Variants in DIAPH3 observed in about 807,000 individuals in gnomAD.
The protein encoded by DIAPH3 is diaphanous related formin 3.
Under a neutral mutation model 144.3 loss-of-function variants are expected in DIAPH3, and 117 were observed. The observed-to-expected ratio is 0.81, with a 90% CI of 0.70 to 0.95. The LOEUF is 0.95. Ranked by LOEUF, DIAPH3 falls within the 40% of genes least tolerant of loss-of-function variation. DIAPH3 has a pLI of 0.00. For synonymous variants in DIAPH3, 519 were observed against 488.9 expected, an observed-to-expected ratio of 1.06 and a Z score of -0.81; for missense variants, 1,421 against 1,412.7, an observed-to-expected ratio of 1.01 and a Z score of -0.09.
chr13:59,998,784 C>A (rs1306919483), intron 9 of DIAPH3, among the ~76,000 whole-genome samples: 1 of 152,050 alleles, frequency 6.6e-6, no homozygotes, highest in African/African-American at 2.4e-5. Flanking sequence ...CAACCCTATT[C>A]ATGCAAACCT....
At chr13:59,916,873 GTATAA>G (rs2047247381) in intron 18 of DIAPH3, among the ~76,000 whole-genome samples, 1 of 152,058 alleles carries the variant, frequency 6.6e-6, no homozygotes, top group Non-Finnish European at 1.5e-5. Context: ...GTACTAGATA[GTATAA>G]TATGTTATTA....
chr13:60,119,915 G>T (rs1223541897), intron 2 of DIAPH3, among the ~76,000 whole-genome samples: 2 of 152,066 alleles, frequency 1.3e-5, no homozygotes, highest in African/African-American at 2.4e-5. Context: ...AATACTTGTT[G>T]AAGGTATGAA....
At chr13:60,104,520 T>A (rs1648612436) in intron 3 of DIAPH3, among the ~76,000 whole-genome samples, 1 of 151,320 alleles carries the variant, frequency 6.6e-6, no homozygotes, top group Non-Finnish European at 1.5e-5. Flanking sequence ...GTGTAAACTA[T>A]CTTAATTGAA....
intron 27 of DIAPH3, among the ~76,000 whole-genome samples, chr13:59,713,094 A>G (rs2034834307): frequency 1.3e-5 from 2 of 152,182 alleles, no homozygotes. Context: ...TGTGCCACCC[A>G]GTTCCTAACA....
chr13:59,923,566 CT>C (rs1317794363), intron 18 of DIAPH3, among the ~76,000 whole-genome samples: 2 of 152,294 alleles, frequency 1.3e-5, no homozygotes, highest in East Asian at 3.9e-4. Context: ...ATGGACACCA[CT>C]CTGAATGCCA....
intron 25 of DIAPH3, among the ~76,000 whole-genome samples, chr13:59,784,000 G>A (rs961165080): frequency 6.6e-6 from 1 of 152,146 alleles, no homozygotes; most frequent in Admixed American, 6.5e-5. Flanking sequence ...TGTTTACTTT[G>A]TGTGTGCTTT....
chr13:60,038,519 T>C (rs1046894419), intron 5 of DIAPH3, among the ~76,000 whole-genome samples: 1 of 152,170 alleles, frequency 6.6e-6, no homozygotes, highest in Non-Finnish European at 1.5e-5. Context: ...AAACGACACT[T>C]ATTAAATGGA....
intron 1 of DIAPH3, among the ~76,000 whole-genome samples, chr13:60,159,655 G>A (rs748614354): frequency 8.6e-5 from 13 of 151,634 alleles, no homozygotes; most frequent in Non-Finnish European, 1.6e-4. Context: ...AAGAAAGAAT[G>A]TATACTCTGA....
chr13:59,700,517 T>C (rs773075031), intron 27 of DIAPH3, among the ~76,000 whole-genome samples: 1 of 152,216 alleles, frequency 6.6e-6, no homozygotes, highest in Non-Finnish European at 1.5e-5. Flanking sequence ...CATATCTTTC[T>C]GAAATTAGGT....
intron 22 of DIAPH3, among the ~76,000 whole-genome samples, chr13:59,840,235 T>A (rs2042264694): frequency 6.6e-6 from 1 of 151,984 alleles, no homozygotes; most frequent in Admixed American, 6.6e-5. Flanking sequence ...TAGGTACAAA[T>A]GAATTCTAGG....
intron 8 of DIAPH3, 117 bp from the exon 9 acceptor site, chr13:60,008,766 G>A: frequency 4.1e-6 from 3 of 735,324 alleles, no homozygotes; most frequent in Non-Finnish European, 7.4e-6. Flanking sequence ...TTTAGAAGTA[G>A]ATTACTGAGT....
chr13:60,009,879 T>C (rs2053129533), intron 8 of DIAPH3, among the ~76,000 whole-genome samples: 1 of 152,242 alleles, frequency 6.6e-6, no homozygotes, highest in Non-Finnish European at 1.5e-5. Flanking sequence ...TACATTTTTA[T>C]CTTTTTTAAA....
At chr13:59,846,855 C>A (rs1296168857) in intron 22 of DIAPH3, among the ~76,000 whole-genome samples, 1 of 152,156 alleles carries the variant, frequency 6.6e-6, no homozygotes, top group Non-Finnish European at 1.5e-5. Flanking sequence ...GTGAGAGGAT[C>A]ACTTGAGGCC....
chr13:59,673,301 C>G (rs780542155), intron 27 of DIAPH3, among the ~76,000 whole-genome samples: 51 of 152,158 alleles, frequency 3.4e-4, no homozygotes, highest in Non-Finnish European at 2.8e-4. Context: ...TCATCCATAC[C>G]TCTCTATTGA....
chr13:60,051,401 T>C (rs1320302981), intron 4 of DIAPH3, among the ~76,000 whole-genome samples: 1 of 151,922 alleles, frequency 6.6e-6, no homozygotes, highest in East Asian at 1.9e-4. Flanking sequence ...GGGTGGATCA[T>C]CTGAGGTCAG....
At chr13:60,119,561 A>G (rs1210930802) in intron 2 of DIAPH3, among the ~76,000 whole-genome samples, 1 of 151,192 alleles carries the variant, frequency 6.6e-6, no homozygotes, top group African/African-American at 2.4e-5. Context: ...TCCCGGCTAA[A>G]ACGGTGAAAC....
At chr13:59,703,057 T>A (rs1330106999) in intron 27 of DIAPH3, among the ~76,000 whole-genome samples, 1 of 152,162 alleles carries the variant, frequency 6.6e-6, no homozygotes, top group East Asian at 1.9e-4. Flanking sequence ...AATAAATAAA[T>A]AAATATGGCT....
At chr13:59,944,122 G>A (rs2140400130) in intron 17 of DIAPH3, among the ~76,000 whole-genome samples, 1 of 152,110 alleles carries the variant, frequency 6.6e-6, no homozygotes, top group Middle Eastern at 3.4e-3. Context: ...GCTGAGGCAG[G>A]AGGATCCCTT....
At chr13:59,910,503 G>A (rs1023636815) in intron 20 of DIAPH3, among the ~76,000 whole-genome samples, 2 of 151,962 alleles carry the variant, frequency 1.3e-5, no homozygotes, top group Admixed American at 6.6e-5. Flanking sequence ...GGAGGCAGGC[G>A]GATCACCTGA....
Sources: gnomAD v4.1 joint callset for allele counts (sites outside exome capture counted in the v4.1 genomes callset) on GRCh38, gnomAD v4.1.1 for gene constraint, MANE v1.5 for transcripts, NCBI Gene and HGNC (gene_info 2026-07-23, HGNC 2026-07-21) for gene names.